STK3: variants seen among roughly 807,000 people sequenced by gnomAD.
STK3 encodes serine/threonine-protein kinase 3.
In STK3, 41 loss-of-function variants were observed where a neutral mutation model predicts 58.0. That is an observed-to-expected ratio of 0.71 (90% CI 0.55 to 0.92). The LOEUF (loss-of-function observed/expected upper bound fraction) is 0.92. Among genes scored for constraint, STK3 ranks in the 40% least tolerant of loss-of-function variants. The probability of loss-of-function intolerance (pLI) is 0.00; values close to 1 mark genes in which losing one functional copy is unlikely to be tolerated. For synonymous variants in STK3, 170 were observed against 191.0 expected (o/e 0.89, Z 0.91); for missense variants, 479 against 602.7 (o/e 0.79, Z 2.15).
At chr8:98,553,235 C>G (rs535208064) in intron 8 of STK3, 1 of 152,062 alleles carries the variant, frequency 6.6e-6, no homozygotes, top group Admixed American at 6.6e-5. Context: ...GCTCAGACAC[C>G]CCAAGATTGA....
At chr8:98,920,752 C>T (rs1284445230) in intron 1 of STK3, among the ~76,000 whole-genome samples, 1 of 152,246 alleles carries the variant, frequency 6.6e-6, no homozygotes, top group Non-Finnish European at 1.5e-5. Flanking sequence ...CCTGGAGAAG[C>T]AGGGCAAGAG....
At chr8:98,711,925 CA>C (rs1293610200) in intron 4 of STK3, among the ~76,000 whole-genome samples, 1 of 152,214 alleles carries the variant, frequency 6.6e-6, no homozygotes, top group Non-Finnish European at 1.5e-5. Context: ...ATCAGACTGA[CA>C]GCTGATCTCT....
chr8:98,764,858 T>C (rs1830844977), intron 3 of STK3, among the ~76,000 whole-genome samples: 1 of 134,128 alleles, frequency 7.5e-6, no homozygotes, highest in African/African-American at 2.5e-5. Flanking sequence ...AAGCACTAGA[T>C]GGAACATGAA....
At chr8:98,569,112 TGAGCAAGGAAAAA>T (rs1414598245) in intron 8 of STK3, among the ~76,000 whole-genome samples, 2 of 152,122 alleles carry the variant, frequency 1.3e-5, no homozygotes, top group African/African-American at 2.4e-5. Context: ...GCATTATTGC[TGAGCAAGGAAAAA>T]GAGCAAGGTC....
chr8:98,695,637 C>G (rs907584762), intron 6 of STK3, among the ~76,000 whole-genome samples: 41 of 152,250 alleles, frequency 2.7e-4, no homozygotes, highest in East Asian at 9.6e-4. Flanking sequence ...TCTCAGGTTT[C>G]TCAAAGATCA....
intron 1 of STK3, among the ~76,000 whole-genome samples, chr8:98,919,491 G>A (rs578107503): frequency 5.9e-5 from 9 of 152,122 alleles, no homozygotes; most frequent in Non-Finnish European, 7.4e-5. Context: ...TGCCTAGGGG[G>A]GATTGACTGA....
At chr8:98,626,100 A>G (rs1486313906) in intron 6 of STK3, among the ~76,000 whole-genome samples, 1 of 152,198 alleles carries the variant, frequency 6.6e-6, no homozygotes, top group Non-Finnish European at 1.5e-5. Flanking sequence ...CCATAAAGGC[A>G]GCAGCAGGAG....
At chr8:98,621,462 C>G (rs1211828120) in intron 6 of STK3, among the ~76,000 whole-genome samples, 1 of 152,060 alleles carries the variant, frequency 6.6e-6, no homozygotes, top group East Asian at 1.9e-4. Context: ...TGAGAGTGAA[C>G]ATCGTTCCTG....
At chr8:98,793,698 A>C (rs1340186152) in intron 1 of STK3, among the ~76,000 whole-genome samples, 2 of 152,214 alleles carry the variant, frequency 1.3e-5, no homozygotes, top group African/African-American at 4.8e-5. Context: ...ATTGGACCTA[A>C]CAGACATCTG....
intron 6 of STK3, among the ~76,000 whole-genome samples, chr8:98,636,610 A>G (rs1022256708): frequency 6.6e-6 from 1 of 152,178 alleles, no homozygotes; most frequent in Non-Finnish European, 1.5e-5. Context: ...TTATAATAGG[A>G]AGATCTAAGC....
At chr8:98,720,329 A>C (rs1404366611) in intron 4 of STK3, among the ~76,000 whole-genome samples, 1 of 152,236 alleles carries the variant, frequency 6.6e-6, no homozygotes, top group African/African-American at 2.4e-5. Flanking sequence ...ATTCAGAGAA[A>C]TTAAATGGAC....
chr8:98,385,339 G>T (rs941474034), intron 1 of STK3, among the ~76,000 whole-genome samples: 3 of 152,188 alleles, frequency 2.0e-5, no homozygotes, highest in African/African-American at 7.2e-5. Flanking sequence ...CAAGAGCTGA[G>T]CAGTAGAAAT....
At chr8:98,618,699 G>A (rs538704870) in intron 6 of STK3, among the ~76,000 whole-genome samples, 1 of 139,002 alleles carries the variant, frequency 7.2e-6, no homozygotes, top group Non-Finnish European at 1.5e-5. Context: ...AATCATGAGT[G>A]AACTCCCATT....
At chr8:98,499,012 C>T (rs1823370692) in intron 10 of STK3, among the ~76,000 whole-genome samples, 2 of 152,124 alleles carry the variant, frequency 1.3e-5, no homozygotes, top group South Asian at 4.1e-4. Flanking sequence ...TTCTGAATAA[C>T]TTGGATGGGC....
chr8:98,671,792 C>A (rs1454022743), intron 6 of STK3, among the ~76,000 whole-genome samples: 6 of 152,140 alleles, frequency 3.9e-5, no homozygotes, highest in African/African-American at 1.4e-4. Flanking sequence ...TGGTTTGGTT[C>A]TGTATCCCCA....
intron 4 of STK3, among the ~76,000 whole-genome samples, chr8:98,716,042 A>C (rs896328179): frequency 2.6e-5 from 4 of 152,096 alleles, no homozygotes; most frequent in African/African-American, 4.8e-5. Context: ...ACAAAAAAAA[A>C]CAAACACCGC....
intron 6 of STK3, among the ~76,000 whole-genome samples, chr8:98,669,025 C>T (rs1385782919): frequency 1.7e-5 from 2 of 118,636 alleles, no homozygotes; most frequent in Non-Finnish European, 3.2e-5. Context: ...GAGTCTTGCT[C>T]TCGCTCTGTT....
At chr8:98,530,638 C>T (rs1826102939) in intron 9 of STK3, among the ~76,000 whole-genome samples, 2 of 152,182 alleles carry the variant, frequency 1.3e-5, no homozygotes, top group Non-Finnish European at 2.9e-5. Context: ...TTAAATAATA[C>T]CGCAGTGAAG....
chr8:98,750,895 T>C (rs116364818), intron 3 of STK3, among the ~76,000 whole-genome samples: 5,163 of 152,286 alleles, frequency 0.034, 117 homozygotes, highest in South Asian at 0.068. Flanking sequence ...ATAAAAAACC[T>C]AACTCACCAC....
Sources: allele counts gnomAD v4.1 joint callset (sites outside exome capture counted in the v4.1 genomes callset), GRCh38; gene constraint gnomAD v4.1.1; transcripts MANE v1.5; gene names NCBI Gene and HGNC (gene_info 2026-07-23, HGNC 2026-07-21).